STARD13: variants seen among roughly 807,000 people sequenced by gnomAD.
The protein encoded by STARD13 is StAR related lipid transfer domain containing 13, also known as stAR-related lipid transfer protein 13.
A neutral mutation model predicts 106.4 loss-of-function variants in STARD13; 62 were observed. The ratio of observed to expected loss-of-function variants is 0.58; its 90% confidence interval spans 0.48 to 0.72. The LOEUF is 0.72. Ranked by LOEUF, STARD13 falls within the 30% of genes least tolerant of loss-of-function variation. The pLI is 0.00. For missense variants in STARD13, 1,387 were observed against 1,424.0 expected (o/e 0.97, Z 0.42); for synonymous variants, 565 against 553.0 (o/e 1.02, Z -0.31).
At chr13:33,285,099 C>T (rs1044404689) in intron 1 of STARD13, among the ~76,000 whole-genome samples, 3 of 152,132 alleles carry the variant, frequency 2.0e-5, no homozygotes, top group Non-Finnish European at 2.9e-5. Flanking sequence ...TCGCCTCCTC[C>T]CTAATGAAAT....
At chr13:33,329,704 C>CTTT (rs1270014763) in intron 1 of STARD13, among the ~76,000 whole-genome samples, 1 of 126,316 alleles carries the variant, frequency 7.9e-6, no homozygotes, top group Non-Finnish European at 1.7e-5. Flanking sequence ...CACTTTCTTT[C>CTTT]TTTTTTTTTT....
upstream of STARD13, among the ~76,000 whole-genome samples, chr13:33,285,979 G>A (rs1402945277): frequency 6.6e-6 from 1 of 151,884 alleles, no homozygotes; most frequent in South Asian, 2.1e-4. Flanking sequence ...CCCAAAAGCA[G>A]CCCTCACTAA....
chr13:33,239,223 C>T (rs1283246145), intron 1 of STARD13, among the ~76,000 whole-genome samples: 1 of 152,108 alleles, frequency 6.6e-6, no homozygotes, highest in Non-Finnish European at 1.5e-5. Context: ...TTTTTTAAGG[C>T]TAAATAGTAT....
intron 1 of STARD13, among the ~76,000 whole-genome samples, chr13:33,323,586 G>A (rs1307977970): frequency 6.6e-6 from 1 of 152,170 alleles, no homozygotes; most frequent in Non-Finnish European, 1.5e-5. Flanking sequence ...CAATGTAACG[G>A]TACATACATG....
the STARD13 span, among the ~76,000 whole-genome samples, chr13:33,451,149 A>G: frequency 6.6e-6 from 1 of 152,158 alleles, no homozygotes; most frequent in Non-Finnish European, 1.5e-5. Flanking sequence ...TAAAGTGCTG[A>G]AATTATAGGT....
the STARD13 span, among the ~76,000 whole-genome samples, chr13:33,591,235 G>A: frequency 4.0e-4 from 61 of 152,310 alleles, no homozygotes; most frequent in African/African-American, 1.4e-3. Flanking sequence ...CTTCCAGATA[G>A]GAAGGTCCAG....
the STARD13 span, among the ~76,000 whole-genome samples, chr13:33,408,026 G>C: frequency 2.6e-5 from 4 of 152,194 alleles, no homozygotes; most frequent in Non-Finnish European, 5.9e-5. Context: ...GTCGTTTCTT[G>C]TGGTCTCTTT....
At chr13:33,586,458 T>C in the STARD13 span, among the ~76,000 whole-genome samples, 1 of 152,212 alleles carries the variant, frequency 6.6e-6, no homozygotes, top group South Asian at 2.1e-4. Context: ...ACATTCTTGA[T>C]ACATGGCCCT....
intron 1 of STARD13, among the ~76,000 whole-genome samples, chr13:33,303,584 C>T (rs959982346): frequency 4.2e-4 from 64 of 152,136 alleles, no homozygotes; most frequent in Non-Finnish European, 2.2e-4. Flanking sequence ...TGACCAGGTT[C>T]CTCAAAGAGC....
intron 12 of STARD13, among the ~76,000 whole-genome samples, chr13:33,107,313 C>T (rs1433394894): frequency 6.6e-6 from 1 of 152,142 alleles, no homozygotes; most frequent in Non-Finnish European, 1.5e-5. Flanking sequence ...ACATGCCAGT[C>T]TCTGAGAAGC....
chr13:33,159,758 C>T (rs892669893), intron 3 of STARD13, among the ~76,000 whole-genome samples: 1 of 152,098 alleles, frequency 6.6e-6, no homozygotes, highest in African/African-American at 2.4e-5. Context: ...AGTAACACCA[C>T]AAACATGAAA....
At chr13:33,229,391 T>C (rs1888790260) in intron 1 of STARD13, among the ~76,000 whole-genome samples, 2 of 152,130 alleles carry the variant, frequency 1.3e-5, no homozygotes, top group Admixed American at 1.3e-4. Flanking sequence ...AGCAAAACAC[T>C]TAACATATTC....
the STARD13 span, among the ~76,000 whole-genome samples, chr13:33,566,452 G>A: frequency 6.8e-6 from 1 of 148,026 alleles, no homozygotes; most frequent in African/African-American, 2.5e-5. Context: ...GAGACTCAGA[G>A]ACAAAGTCTA....
At chr13:33,122,322 A>G (rs1415735802) in intron 7 of STARD13, among the ~76,000 whole-genome samples, 1 of 152,230 alleles carries the variant, frequency 6.6e-6, no homozygotes, top group African/African-American at 2.4e-5. Flanking sequence ...GGCAGGCAAC[A>G]GCCCCAGCTC....
intron 1 of STARD13, among the ~76,000 whole-genome samples, chr13:33,175,429 C>G (rs1047521949): frequency 6.6e-6 from 1 of 152,178 alleles, no homozygotes; most frequent in African/African-American, 2.4e-5. Flanking sequence ...CAAAACACCT[C>G]CATGTTGAAC....
At chr13:33,553,767 A>G in the STARD13 span, among the ~76,000 whole-genome samples, 1 of 151,606 alleles carries the variant, frequency 6.6e-6, no homozygotes, top group Admixed American at 6.6e-5. Flanking sequence ...TTTAGTAGAG[A>G]CGGGGTTTCA....
At chr13:33,329,571 C>T (rs2077813264) in intron 1 of STARD13, among the ~76,000 whole-genome samples, 1 of 152,104 alleles carries the variant, frequency 6.6e-6, no homozygotes, top group South Asian at 2.1e-4. Flanking sequence ...CTTAGCATAA[C>T]TTCCTCCAGC....
the STARD13 span, among the ~76,000 whole-genome samples, chr13:33,356,003 A>G: frequency 6.6e-6 from 1 of 152,254 alleles, no homozygotes; most frequent in Non-Finnish European, 1.5e-5. Flanking sequence ...CCTGATGTAG[A>G]CTGGTAAATG....
the STARD13 span, chr13:33,654,620 G>A: frequency 6.6e-6 from 1 of 152,164 alleles, no homozygotes; most frequent in Non-Finnish European, 1.5e-5. Context: ...TTTATAGAAT[G>A]TGAATCACAT....
Sources: gnomAD v4.1 joint callset for allele counts (sites outside exome capture counted in the v4.1 genomes callset) on GRCh38, gnomAD v4.1.1 for gene constraint, MANE v1.5 for transcripts, NCBI Gene and HGNC (gene_info 2026-07-23, HGNC 2026-07-21) for gene names.